Variants in HSP90AA1 observed in about 807,000 individuals in gnomAD.
The protein encoded by HSP90AA1 is heat shock protein 90 alpha family class A member 1.
HSP90AA1 carries 18 observed loss-of-function variants against 73.3 expected under a neutral mutation model. The ratio of observed to expected loss-of-function variants is 0.25; its 90% CI spans 0.17 to 0.36. The LOEUF (loss-of-function observed/expected upper bound fraction) is 0.36. HSP90AA1 is among the 10% of genes least tolerant of loss of function. The pLI is 1.00. For synonymous variants in HSP90AA1, 477 were observed against 296.9 expected (o/e 1.61, Z -6.24); for missense variants, 704 against 874.2 (o/e 0.81, Z 2.45).
chr14:102,087,725 G>C (rs2049281389), upstream of HSP90AA1, among the ~76,000 whole-genome samples: 1 of 152,102 alleles, frequency 6.6e-6, no homozygotes, highest in Non-Finnish European at 1.5e-5. Context: ...CCGCTGGCTC[G>C]GGAGCGCTCC....
At chr14:102,120,275 C>T (rs1039961199) in intron 1 of HSP90AA1, among the ~76,000 whole-genome samples, 1 of 152,068 alleles carries the variant, frequency 6.6e-6, no homozygotes, top group Non-Finnish European at 1.5e-5. Context: ...GGGAGGATCA[C>T]TTGAGCTTGG....
chr14:102,107,318 GT>G (rs201899239), intron 1 of HSP90AA1, among the ~76,000 whole-genome samples: 2 of 151,248 alleles, frequency 1.3e-5, no homozygotes, highest in Non-Finnish European at 2.9e-5. Context: ...GGTTTAGCCC[GT>G]TTTTTTTGGT....
rs573201748 is a variant in HSP90AA1 at position 102,134,078 on chromosome 14, G to C, written c.155+5172C>G. On this transcript the variant is annotated intron_variant, in intron 1 of 11. Transcript: ENST00000334701. ...AGGCAGGAGAATTGCTTCAACCTGG[G>C]AGACAGAGGTTGCAGTGAGCCGAGA... 2.6e-4 allele frequency among the ~76,000 whole-genome samples: 39 copies of C among 151,744 alleles called. No individual in the cohort carries two copies. The South Asian group carries it at 6.5e-3, about 25-fold the overall frequency.
intron 1 of HSP90AA1, among the ~76,000 whole-genome samples, chr14:102,134,813 T>C (rs530849326): frequency 3.3e-5 from 5 of 152,284 alleles, no homozygotes; most frequent in Non-Finnish European, 5.9e-5. Context: ...GCTTCTACAG[T>C]GCGGAAGTGA....
At chr14:102,106,589 G>A (rs2049571297) in intron 1 of HSP90AA1, among the ~76,000 whole-genome samples, 7 of 139,166 alleles carry the variant, frequency 5.0e-5, no homozygotes. Flanking sequence ...CTGTCGCCCG[G>A]GCTGGAGTGC....
At chr14:102,109,719 TG>T (rs1425248547) in intron 1 of HSP90AA1, among the ~76,000 whole-genome samples, 2 of 152,172 alleles carry the variant, frequency 1.3e-5, no homozygotes, top group Admixed American at 1.3e-4. Flanking sequence ...CCCAAAACTC[TG>T]GAAGCAACTT....
rs553681115 is a variant in HSP90AA1 at position 102,105,502 on chromosome 14, G to T, written c.156-3417C>A. Among the ~76,000 whole-genome samples the T allele has an allele frequency of 5.3e-5, 8 of 152,310 alleles. No homozygotes were observed. The East Asian group carries it at 1.5e-3, about 29-fold the overall frequency. On this transcript the variant is annotated intron_variant, in intron 1 of 11. Coordinates refer to the HSP90AA1 transcript ENST00000334701. ...AGAGTGGAAGAAGGCATGCCAGATG[G>T]AGGGGACCGTGTGTGCAAAGGCACA...
chr14:102,089,981 C>G (rs982282053), upstream of HSP90AA1, among the ~76,000 whole-genome samples: 3 of 152,184 alleles, frequency 2.0e-5, no homozygotes, highest in African/African-American at 4.8e-5. Context: ...AGACCTGGCC[C>G]TATCTATTCC....
chr14:102,084,031 C>A (rs377693947), intron 6 of HSP90AA1, 48 bp from the exon 7 acceptor site: 125 of 1,390,328 alleles, frequency 9.0e-5, no homozygotes, highest in Non-Finnish European at 1.1e-4. Flanking sequence ...AAGGACAAAA[C>A]TGGTACTATG....
chr14:102,138,477 A>G (rs553647076), intron 1 of HSP90AA1, among the ~76,000 whole-genome samples: 6 of 147,842 alleles, frequency 4.1e-5, no homozygotes, highest in African/African-American at 1.5e-4. Flanking sequence ...TTCAGGCTCT[A>G]TTAATTAAGA....
chr14:102,085,056 C>A (rs2049193114), intron 4 of HSP90AA1, 58 bp from the exon 5 acceptor site: 1 of 1,612,258 alleles, frequency 6.2e-7, no homozygotes, highest in South Asian at 1.1e-5. Flanking sequence ...AGCGACAGCG[C>A]TGCACCACTA....
At chr14:102,120,824 G>C (rs1422529784) in intron 1 of HSP90AA1, among the ~76,000 whole-genome samples, 2 of 150,966 alleles carry the variant, frequency 1.3e-5, no homozygotes, top group Non-Finnish European at 3.0e-5. Context: ...TATAATCCCA[G>C]CTACTCAGGA....
chr14:102,107,951 A>AT (rs1472682845), intron 1 of HSP90AA1, among the ~76,000 whole-genome samples: 3 of 28,568 alleles, frequency 1.1e-4, no homozygotes, highest in African/African-American at 2.8e-4. Context: ...TTCTCTCTTA[A>AT]ATTTTTTTTT....
chr14:102,137,538 C>T (rs147629182), intron 1 of HSP90AA1, among the ~76,000 whole-genome samples: 12,082 of 151,456 alleles, frequency 0.08, 910 homozygotes, highest in African/African-American at 0.2. Context: ...GTTGGCCAGG[C>T]GGTCTCAAAC....
intron 1 of HSP90AA1, among the ~76,000 whole-genome samples, chr14:102,121,564 T>C (rs2049779062): frequency 6.6e-6 from 1 of 152,214 alleles, no homozygotes; most frequent in Non-Finnish European, 1.5e-5. Flanking sequence ...TCACCAAGTA[T>C]GTGAACCCAT....
At chr14:102,087,133 G>A (rs1453796728), upstream of HSP90AA1, 10 of 984,114 alleles carry the variant, frequency 1.0e-5, no homozygotes, top group African/African-American at 1.8e-5. Flanking sequence ...CCTTCCGGAA[G>A]AACCCTCCCC....
chr14:102,123,710 A>G (rs2049807344), intron 1 of HSP90AA1, among the ~76,000 whole-genome samples: 1 of 152,088 alleles, frequency 6.6e-6, no homozygotes, highest in African/African-American at 2.4e-5. Context: ...ATTCAGAGAA[A>G]CTGTGTGGTT....
At chr14:102,086,811 G>C (rs1345258727) in intron 1 of HSP90AA1, among the ~76,000 whole-genome samples, 175 bp downstream of exon 1, 1 of 151,844 alleles carries the variant, frequency 6.6e-6, no homozygotes, top group Non-Finnish European at 1.5e-5. Context: ...CCTGAAGCGG[G>C]GTGCGGAAAC....
chr14:102,136,751 T>C (rs1173988322), intron 1 of HSP90AA1, among the ~76,000 whole-genome samples: 1 of 147,150 alleles, frequency 6.8e-6, no homozygotes. Flanking sequence ...TAGCCAGGTG[T>C]GGTGGCAGGT....
Sources: gnomAD v4.1 joint callset for allele counts (sites outside exome capture counted in the v4.1 genomes callset) on GRCh38, gnomAD v4.1.1 for gene constraint, MANE v1.5 for transcripts, NCBI Gene and HGNC (gene_info 2026-07-23, HGNC 2026-07-21) for gene names.